ESRRB: variants seen among roughly 807,000 people sequenced by gnomAD.
The protein encoded by ESRRB is steroid hormone receptor ERR2.
A neutral mutation model predicts 46.0 loss-of-function variants in ESRRB; 16 were observed. That is an observed-to-expected ratio of 0.35 (90% CI 0.24 to 0.53). The LOEUF is 0.53. Ranked by LOEUF, ESRRB falls within the 20% of genes least tolerant of loss-of-function variation. The pLI, the probability that ESRRB is intolerant of heterozygous loss-of-function variation, is 0.93. For missense variants in ESRRB, 488 were observed against 607.4 expected (o/e 0.80, Z 2.07); for synonymous variants, 246 against 259.6 (o/e 0.95, Z 0.50).
chr14:76,412,926 G>A (rs1351289075), intron 1 of ESRRB, among the ~76,000 whole-genome samples: 1 of 152,056 alleles, frequency 6.6e-6, no homozygotes, highest in Non-Finnish European at 1.5e-5. Flanking sequence ...CACCAGTCTG[G>A]GCAACATAGG....
At chr14:76,411,205 T>C (rs1365833377) in intron 1 of ESRRB, among the ~76,000 whole-genome samples, 1 of 151,508 alleles carries the variant, frequency 6.6e-6, no homozygotes, top group Non-Finnish European at 1.5e-5. Flanking sequence ...CCCAGCACTA[T>C]GGAAGGCCAA....
intron 3 of ESRRB, among the ~76,000 whole-genome samples, chr14:76,469,926 G>GTTTTTTTTTTTTTTTTTTTTTTTTTTT (rs1356927268): frequency 4.4e-5 from 3 of 67,648 alleles, no homozygotes; most frequent in African/African-American, 5.1e-5. Flanking sequence ...TGTGTTTTTT[G>GTTTTTTTTTTTTTTTTTTTTTTTTTTT]TTGTTTTTTT....
At chr14:76,430,135 C>T (rs991942089) in intron 1 of ESRRB, among the ~76,000 whole-genome samples, 1 of 152,128 alleles carries the variant, frequency 6.6e-6, no homozygotes, top group African/African-American at 2.4e-5. Context: ...CCATCCTACC[C>T]TCCTGTTAGG....
chr14:76,342,545 T>G (rs1397836717), intron 1 of ESRRB, among the ~76,000 whole-genome samples: 1 of 152,180 alleles, frequency 6.6e-6, no homozygotes, highest in Non-Finnish European at 1.5e-5. Flanking sequence ...CTCCACTCGT[T>G]CAGGTGAGGA....
intron 2 of ESRRB, among the ~76,000 whole-genome samples, chr14:76,443,498 A>G (rs1888004475): frequency 6.6e-6 from 1 of 151,542 alleles, no homozygotes; most frequent in African/African-American, 2.4e-5. Context: ...CAGATATTTG[A>G]CAAACACAAA....
At chr14:76,332,664 ATATATATTTATATAT>A (rs1884036597) in intron 1 of ESRRB, among the ~76,000 whole-genome samples, 1 of 27,234 alleles carries the variant, frequency 3.7e-5, no homozygotes, top group African/African-American at 1.6e-4. Flanking sequence ...AATATATATT[ATATATATTTATATAT>A]TATATATTTA....
intron 3 of ESRRB, among the ~76,000 whole-genome samples, chr14:76,465,578 C>T (rs1889071563): frequency 6.6e-6 from 1 of 152,116 alleles, no homozygotes. Context: ...GGGCATGAGA[C>T]CCCTGCTGCC....
chr14:76,490,816 C>A (rs1890193779), intron 5 of ESRRB, among the ~76,000 whole-genome samples: 1 of 152,216 alleles, frequency 6.6e-6, no homozygotes, highest in African/African-American at 2.4e-5. Context: ...GGCTCCGACC[C>A]TGGGAGAGCA....
intron 6 of ESRRB, among the ~76,000 whole-genome samples, chr14:76,492,394 T>C (rs567216868): frequency 1.3e-5 from 2 of 152,310 alleles, no homozygotes; most frequent in South Asian, 4.1e-4. Flanking sequence ...CCCAAACTCC[T>C]GGGCTCAAGC....
chr14:76,457,453 G>GTT (rs5809758), intron 2 of ESRRB, among the ~76,000 whole-genome samples: 14 of 146,090 alleles, frequency 9.6e-5, no homozygotes, highest in Admixed American at 1.4e-4. Flanking sequence ...AGCAGGATGA[G>GTT]TTTTTTTTTT....
intron 1 of ESRRB, among the ~76,000 whole-genome samples, chr14:76,335,077 G>A (rs922865631): frequency 1.4e-4 from 21 of 152,306 alleles, no homozygotes; most frequent in African/African-American, 4.6e-4. Flanking sequence ...GAAGGGCGCC[G>A]TAGTTCCCTA....
chr14:76,439,576 A>C lies in ESRRB; in HGVS notation c.286A>C (p.Ser96Arg), dbSNP rs376403497. 2 of 1,614,132 alleles carry C rather than the reference A, an allele frequency of 1.2e-6. No individual in the cohort carries two copies. Among genetic ancestry groups the C allele is most frequent in the Non-Finnish European group, 1.7e-6 (2 of 1,180,002 alleles). Residue 96 changes from serine (S) to arginine (R), a missense_variant, in exon 2 of 7, where the codon AGC becomes CGC. By Grantham distance (110) the Ser-to-Arg change is moderately radical (BLOSUM62 -1). Transcript: ENST00000644823. The part of the protein sequence containing the change: ...AGLGGTPCRK[S>R]YEDCASGIME... ...GCTGGGAGGCACCCCATGCCGCAAG[A>C]GCTACGAGGACTGTGCCAGCGGCAT...
intron 2 of ESRRB, 55 bp downstream of exon 2, chr14:76,439,805 C>G: frequency 6.3e-7 from 1 of 1,585,182 alleles, no homozygotes; most frequent in Non-Finnish European, 8.6e-7. Context: ...GCAGCCGTGC[C>G]TGCGGGTCTG....
At chr14:76,397,770 A>C (rs899876438) in intron 1 of ESRRB, among the ~76,000 whole-genome samples, 8 of 152,162 alleles carry the variant, frequency 5.3e-5, no homozygotes, top group Admixed American at 5.2e-4. Flanking sequence ...CATTTAAAAG[A>C]ATAATAATTT....
chr14:76,371,003 C>T (rs80265448), upstream of ESRRB, among the ~76,000 whole-genome samples: 2,672 of 152,272 alleles, frequency 0.018, 34 homozygotes, highest in Non-Finnish European at 0.026. Flanking sequence ...TTTCAGATAA[C>T]GAAATGGATG....
intron 6 of ESRRB, among the ~76,000 whole-genome samples, chr14:76,493,087 C>T (rs574970438): frequency 6.6e-6 from 1 of 152,328 alleles, no homozygotes; most frequent in African/African-American, 2.4e-5. Context: ...AGCAGTATGA[C>T]CTTGGGTAAC....
At chr14:76,350,133 A>G (rs921239069) in intron 1 of ESRRB, among the ~76,000 whole-genome samples, 1 of 152,066 alleles carries the variant, frequency 6.6e-6, no homozygotes, top group Non-Finnish European at 1.5e-5. Context: ...GGAGGTTCCC[A>G]TGAAGGGCTC....
chr14:76,365,782 A>T (rs1047530312), intron 1 of ESRRB, among the ~76,000 whole-genome samples: 2 of 152,202 alleles, frequency 1.3e-5, no homozygotes, highest in African/African-American at 4.8e-5. Context: ...GACCAACAAA[A>T]GATTTTCTTG....
intron 1 of ESRRB, among the ~76,000 whole-genome samples, chr14:76,387,322 T>G (rs981668369): frequency 2.0e-5 from 3 of 152,078 alleles, no homozygotes; most frequent in African/African-American, 7.2e-5. Context: ...CAGCCCCGGG[T>G]ACGGGGAATG....
Sources: gnomAD v4.1 joint callset for allele counts (sites outside exome capture counted in the v4.1 genomes callset) on GRCh38, gnomAD v4.1.1 for gene constraint, MANE v1.5 for transcripts, NCBI Gene and HGNC (gene_info 2026-07-23, HGNC 2026-07-21) for gene names.